ZNF536: variants seen among roughly 807,000 people sequenced by gnomAD.
ZNF536 encodes the protein zinc finger protein 536.
Under a neutral mutation model 84.5 loss-of-function variants are expected in ZNF536, and 13 were observed. That is an observed-to-expected ratio of 0.15 (90% CI 0.10 to 0.24). The LOEUF is 0.24. Among genes scored for constraint, ZNF536 ranks in the 10% least tolerant of loss-of-function variants. The pLI is 1.00. For missense variants in ZNF536, 1,536 were observed against 1,747.5 expected, an observed-to-expected ratio of 0.88 and a Z score of 2.16; for synonymous variants, 811 against 742.5, an observed-to-expected ratio of 1.09 and a Z score of -1.50.
intron 1 of ZNF536, among the ~76,000 whole-genome samples, chr19:30,650,420 C>T (rs990808505): frequency 6.6e-6 from 1 of 152,174 alleles, no homozygotes; most frequent in Admixed American, 6.5e-5. Flanking sequence ...GATTTCTCTC[C>T]TTTTCTTGTT....
At chr19:30,567,139 C>A (rs1171442355) in intron 1 of ZNF536, among the ~76,000 whole-genome samples, 1 of 152,196 alleles carries the variant, frequency 6.6e-6, no homozygotes, top group Non-Finnish European at 1.5e-5. Context: ...ATTTGAGATG[C>A]GTCAAAAATA....
intron 1 of ZNF536, among the ~76,000 whole-genome samples, chr19:30,248,611 T>C (rs554997156): frequency 2.0e-5 from 3 of 152,200 alleles, no homozygotes; most frequent in Admixed American, 6.5e-5. Flanking sequence ...GCAGTGAGCA[T>C]GTGTGATTGG....
At chr19:30,278,689 G>A (rs1294712747) in intron 1 of ZNF536, among the ~76,000 whole-genome samples, 1 of 152,058 alleles carries the variant, frequency 6.6e-6, no homozygotes, top group Non-Finnish European at 1.5e-5. Flanking sequence ...CTACTTGGCA[G>A]GTCTCACTGC....
intron 1 of ZNF536, among the ~76,000 whole-genome samples, chr19:30,598,599 C>G (rs541651650): frequency 1.6e-4 from 25 of 152,054 alleles, no homozygotes; most frequent in African/African-American, 3.1e-4. Flanking sequence ...GCATAATTAT[C>G]CACTCCATCT....
intron 2 of ZNF536, among the ~76,000 whole-genome samples, chr19:30,517,966 G>A (rs1277534689): frequency 6.6e-6 from 1 of 152,176 alleles, no homozygotes; most frequent in Non-Finnish European, 1.5e-5. Context: ...GGTGGGCACA[G>A]CGTGTACCTA....
chr19:30,511,275 C>T (rs56256009), intron 2 of ZNF536, among the ~76,000 whole-genome samples: 14,649 of 152,204 alleles, frequency 0.096, 966 homozygotes, highest in Non-Finnish European at 0.15. Context: ...GCTCCTGACT[C>T]CTTCCCTTGT....
intron 1 of ZNF536, among the ~76,000 whole-genome samples, chr19:30,595,029 G>A (rs1382381471): frequency 6.6e-6 from 1 of 152,138 alleles, no homozygotes; most frequent in African/African-American, 2.4e-5. Flanking sequence ...GACCCAAGGT[G>A]CAGGTGGCTG....
chr19:30,595,507 C>G (rs1280240852), intron 1 of ZNF536, among the ~76,000 whole-genome samples: 1 of 152,096 alleles, frequency 6.6e-6, no homozygotes, highest in African/African-American at 2.4e-5. Flanking sequence ...AGGCTGGTCT[C>G]AAACTCCTGG....
At chr19:30,524,136 A>T (rs577670404) in intron 2 of ZNF536, among the ~76,000 whole-genome samples, 4 of 152,302 alleles carry the variant, frequency 2.6e-5, no homozygotes, top group Non-Finnish European at 4.4e-5. Context: ...TAGATTATTT[A>T]AAATGGTGTG....
intron 3 of ZNF536, among the ~76,000 whole-genome samples, chr19:30,357,986 A>C (rs4805553): frequency 6.6e-6 from 1 of 151,970 alleles, no homozygotes; most frequent in Non-Finnish European, 1.5e-5. Context: ...AGTTGCAGAC[A>C]TCTCCTGTTC....
intron 2 of ZNF536, among the ~76,000 whole-genome samples, chr19:30,316,335 G>A (rs1337983496): frequency 6.6e-6 from 1 of 152,112 alleles, no homozygotes; most frequent in African/African-American, 2.4e-5. Flanking sequence ...GAGGAAGGCT[G>A]GTATCATCTA....
chr19:30,589,776 G>A (rs2047215366), intron 1 of ZNF536, among the ~76,000 whole-genome samples: 1 of 152,192 alleles, frequency 6.6e-6, no homozygotes, highest in South Asian at 2.1e-4. Context: ...ATCATTGATG[G>A]AGGGTTGCTT....
chr19:30,643,506 C>G (rs1236576554), intron 1 of ZNF536, among the ~76,000 whole-genome samples: 1 of 152,196 alleles, frequency 6.6e-6, no homozygotes. Flanking sequence ...CTTCATTTTA[C>G]ATGTAGTAAT....
intron 2 of ZNF536, among the ~76,000 whole-genome samples, chr19:30,344,048 T>C (rs2047650048): frequency 6.6e-6 from 1 of 151,806 alleles, no homozygotes; most frequent in Non-Finnish European, 1.5e-5. Flanking sequence ...GGGAAGGTAG[T>C]TGAAGGGGCC....
rs76533151 is a variant in ZNF536, at chr19:30,598,575, G to A, written c.169+49061G>A. Reference sequence around the variant, plus strand: ...AGCAAAACAAATGGCGAGGTGTGGGGGAGGGAGAATGAAGCATAATTATCC... The same window carrying A: ...AGCAAAACAAATGGCGAGGTGTGGGAGAGGGAGAATGAAGCATAATTATCC... On this transcript the variant is annotated intron_variant, in intron 1 of 1. Transcript: ENST00000592773. 3.6e-3 allele frequency among the ~76,000 whole-genome samples: 546 copies of A among 152,218 alleles called. 3 individuals carry two copies. The highest frequency in any genetic ancestry group is 0.013 in the African/African-American group (529 of 41,522).
At chr19:30,232,692 G>A (rs1224497428) in intron 1 of ZNF536, among the ~76,000 whole-genome samples, 1 of 152,186 alleles carries the variant, frequency 6.6e-6, no homozygotes, top group African/African-American at 2.4e-5. Flanking sequence ...GCTCGAGGTG[G>A]GGTTTATTTT....
At chr19:30,448,467 G>A (rs548464809) in intron 2 of ZNF536, among the ~76,000 whole-genome samples, 1 of 152,168 alleles carries the variant, frequency 6.6e-6, no homozygotes, top group Non-Finnish European at 1.5e-5. Flanking sequence ...AAATCTTTAA[G>A]CCCTTAAGTA....
upstream of ZNF536, among the ~76,000 whole-genome samples, chr19:30,227,146 G>A (rs933554569): frequency 6.6e-6 from 1 of 151,654 alleles, no homozygotes; most frequent in Non-Finnish European, 1.5e-5. Context: ...TCGAAACGCG[G>A]GGAAGTTAGG....
chr19:30,647,706 C>A (rs2049528694), intron 1 of ZNF536, among the ~76,000 whole-genome samples: 1 of 152,218 alleles, frequency 6.6e-6, no homozygotes, highest in Non-Finnish European at 1.5e-5. Context: ...CCAGTTCCAG[C>A]ACCTCCTTGC....
Sources: gnomAD v4.1 joint callset for allele counts (sites outside exome capture counted in the v4.1 genomes callset) on GRCh38, gnomAD v4.1.1 for gene constraint, MANE v1.5 for transcripts, NCBI Gene and HGNC (gene_info 2026-07-23, HGNC 2026-07-21) for gene names.